The following ARHGAP15 variants were observed in gnomAD, a reference collection of about 807,000 sequenced individuals.
ARHGAP15 encodes the protein rho GTPase-activating protein 15.
In ARHGAP15, 51 loss-of-function variants were observed where a neutral mutation model predicts 63.7. The observed-to-expected ratio is 0.80, with a 90% CI of 0.64 to 1.01. ARHGAP15 has a LOEUF of 1.01. Among genes scored for constraint, ARHGAP15 ranks in the 50% least tolerant of loss-of-function variants. ARHGAP15 has a pLI of 0.00. For synonymous variants in ARHGAP15, 191 were observed against 193.8 expected, an observed-to-expected ratio of 0.99 and a Z score of 0.12; for missense variants, 560 against 564.6, an observed-to-expected ratio of 0.99 and a Z score of 0.08.
intron 8 of ARHGAP15, among the ~76,000 whole-genome samples, chr2:143,480,284 G>A (rs574037973): frequency 3.9e-5 from 6 of 152,242 alleles, no homozygotes; most frequent in East Asian, 3.9e-4. Flanking sequence ...GACAGTAGAC[G>A]CCAGCTGTTC....
intron 11 of ARHGAP15, among the ~76,000 whole-genome samples, chr2:143,566,921 T>C (rs1696250744): frequency 6.6e-6 from 1 of 151,460 alleles, no homozygotes; most frequent in Non-Finnish European, 1.5e-5. Flanking sequence ...AGAGTCTCGC[T>C]CTGTCGCCCA....
Position 143,653,746 on chromosome 2 carries a change from T to A in ARHGAP15, c.1138+29479T>A, listed in dbSNP as rs183747312. 6.6e-5 allele frequency among the ~76,000 whole-genome samples: 10 copies of A among 152,260 alleles called. No homozygotes were observed. The East Asian group carries it at 1.9e-3, about 29-fold the overall frequency. On this transcript the variant is annotated intron_variant, in intron 12 of 13. Transcript: ENST00000295095. ...CATTCCTTATCGCACTTTTCTTAAT[T>A]GTGTTTGTATAGTCTGGGATGACTA...
chr2:143,567,664 A>G (rs985265992), intron 11 of ARHGAP15, among the ~76,000 whole-genome samples: 1 of 152,192 alleles, frequency 6.6e-6, no homozygotes, highest in African/African-American at 2.4e-5. Context: ...GAAACAGAGG[A>G]CCCCCAAACT....
intron 12 of ARHGAP15, among the ~76,000 whole-genome samples, chr2:143,683,434 G>GAA (rs145839049): frequency 6.0e-5 from 9 of 149,998 alleles, no homozygotes; most frequent in South Asian, 2.1e-4. Flanking sequence ...TTCTGCTTTT[G>GAA]AAAAAAAAAC....
At chr2:143,705,332 T>C (rs1021308709) in intron 13 of ARHGAP15, among the ~76,000 whole-genome samples, 1 of 152,146 alleles carries the variant, frequency 6.6e-6, no homozygotes, top group Non-Finnish European at 1.5e-5. Flanking sequence ...AGAAATCCAA[T>C]GTGGTTTAGT....
intron 8 of ARHGAP15, among the ~76,000 whole-genome samples, chr2:143,484,752 TAAG>T (rs1007696371): frequency 1.8e-4 from 27 of 152,274 alleles, no homozygotes; most frequent in Admixed American, 8.5e-4. Context: ...ATTTAAATAA[TAAG>T]ATATTTTATT....
chr2:143,263,225 C>T (rs1680817829), intron 6 of ARHGAP15, among the ~76,000 whole-genome samples: 1 of 152,098 alleles, frequency 6.6e-6, no homozygotes, highest in Admixed American at 6.6e-5. Flanking sequence ...GTTTCATTTC[C>T]CTCATTTCCT....
chr2:143,551,855 G>A (rs1010136803), intron 10 of ARHGAP15, among the ~76,000 whole-genome samples: 2 of 152,120 alleles, frequency 1.3e-5, no homozygotes, highest in Admixed American at 6.5e-5. Flanking sequence ...CTCAGTCATC[G>A]AATTTAAAGT....
chr2:143,314,637 T>C (rs914414980), intron 6 of ARHGAP15: 5 of 152,346 alleles, frequency 3.3e-5, no homozygotes, highest in African/African-American at 9.6e-5. Context: ...AGGAAGCTTA[T>C]ACATCTCTTA....
At chr2:143,384,908 TC>T (rs1286547125) in intron 6 of ARHGAP15, among the ~76,000 whole-genome samples, 1 of 152,172 alleles carries the variant, frequency 6.6e-6, no homozygotes, top group Non-Finnish European at 1.5e-5. Flanking sequence ...AAAAAACTTT[TC>T]CCCTAATATC....
At chr2:143,134,880 G>A (rs943586961) in intron 1 of ARHGAP15, among the ~76,000 whole-genome samples, 2 of 151,996 alleles carry the variant, frequency 1.3e-5, no homozygotes, top group Admixed American at 6.5e-5. Flanking sequence ...CTCGTGATCT[G>A]CCCACCTTGA....
chr2:143,551,337 G>A (rs1043644082), intron 10 of ARHGAP15, among the ~76,000 whole-genome samples: 5 of 151,810 alleles, frequency 3.3e-5, no homozygotes, highest in Non-Finnish European at 7.4e-5. Flanking sequence ...TTTTGGCGGG[G>A]GGAAGATAGG....
chr2:143,718,915 C>T (rs1349696930), intron 13 of ARHGAP15, among the ~76,000 whole-genome samples: 1 of 152,218 alleles, frequency 6.6e-6, no homozygotes, highest in Admixed American at 6.5e-5. Context: ...GGAGTGTTCA[C>T]ATCCCTCAAT....
At chr2:143,656,934 GGTGTGTGTGTGTGTGTGTGTGT>G (rs5834961) in intron 12 of ARHGAP15, among the ~76,000 whole-genome samples, 1 of 144,936 alleles carries the variant, frequency 6.9e-6, no homozygotes, top group Non-Finnish European at 1.5e-5. Flanking sequence ...CAAAGTTTCT[GGTGTGTGTGTGTGTGTGTGTGT>G]GTGTGTGTGT....
intron 1 of ARHGAP15, among the ~76,000 whole-genome samples, chr2:143,132,639 C>A (rs1298205035): frequency 6.6e-6 from 1 of 152,246 alleles, no homozygotes; most frequent in African/African-American, 2.4e-5. Flanking sequence ...CACTCCTGCA[C>A]TGGGGGCAGC....
At chr2:143,670,238 T>C (rs1396927874) in intron 12 of ARHGAP15, among the ~76,000 whole-genome samples, 1 of 152,164 alleles carries the variant, frequency 6.6e-6, no homozygotes, top group Non-Finnish European at 1.5e-5. Context: ...ATCTTCTACT[T>C]TTATTCCCCT....
intron 6 of ARHGAP15, among the ~76,000 whole-genome samples, chr2:143,307,518 G>A (rs961489212): frequency 6.6e-6 from 1 of 152,012 alleles, no homozygotes; most frequent in African/African-American, 2.4e-5. Flanking sequence ...ATGCAACTGA[G>A]GTATCATCAG....
chr2:143,132,729 G>A (rs1218262303), intron 1 of ARHGAP15, among the ~76,000 whole-genome samples: 3 of 152,148 alleles, frequency 2.0e-5, no homozygotes, highest in Non-Finnish European at 2.9e-5. Flanking sequence ...CCAGAAGAAA[G>A]GACAAAAGCC....
intron 6 of ARHGAP15, among the ~76,000 whole-genome samples, chr2:143,257,223 G>T (rs2105001796): frequency 6.6e-6 from 1 of 152,180 alleles, no homozygotes; most frequent in East Asian, 1.9e-4. Context: ...AGGGCATAAT[G>T]CTGCCTTACT....
Sources: gnomAD v4.1 joint callset for allele counts (sites outside exome capture counted in the v4.1 genomes callset) on GRCh38, gnomAD v4.1.1 for gene constraint, MANE v1.5 for transcripts, NCBI Gene and HGNC (gene_info 2026-07-23, HGNC 2026-07-21) for gene names.